The following CFAP210 variants were observed in gnomAD, a reference collection of about 807,000 sequenced individuals.
The protein encoded by CFAP210 is cilia- and flagella- associated protein 210.
At chr2:169,692,153 C>G in the CFAP210 span, among the ~76,000 whole-genome samples, 2 of 152,134 alleles carry the variant, frequency 1.3e-5, no homozygotes, top group Admixed American at 1.3e-4. Context: ...ATGTCAGGAG[C>G]TTTCCAAAGC....
the CFAP210 span, chr2:169,694,163 A>G: frequency 8.3e-7 from 1 of 1,198,504 alleles, no homozygotes; most frequent in Non-Finnish European, 1.2e-6. Context: ...AGTCCATTTC[A>G]AAAGGCAACT....
the CFAP210 span, among the ~76,000 whole-genome samples, chr2:169,671,441 G>C: frequency 9.2e-5 from 14 of 152,108 alleles, no homozygotes; most frequent in Admixed American, 2.6e-4. Context: ...CTAATTATTT[G>C]TTCCATTTCT....
chr2:169,662,199 G>T, the CFAP210 span: 1 of 1,422,734 alleles, frequency 7.0e-7, no homozygotes, highest in Non-Finnish European at 9.7e-7. Flanking sequence ...CCATAAACAT[G>T]TACAAATATA....
At chr2:169,681,014 G>A in the CFAP210 span, 1 of 1,613,482 alleles carries the variant, frequency 6.2e-7, no homozygotes, top group Non-Finnish European at 8.5e-7. Context: ...TACTGCATAT[G>A]TATTAGTCCA....
At chr2:169,654,222 G>GA in the CFAP210 span, 2 of 1,556,618 alleles carry the variant, frequency 1.3e-6, no homozygotes, top group East Asian at 2.3e-5. Context: ...TTCCTTGGGG[G>GA]AAAAATTGTA....
At chr2:169,645,565 G>T in the CFAP210 span, 1 of 295,678 alleles carries the variant, frequency 3.4e-6, no homozygotes, top group Non-Finnish European at 6.3e-6. Context: ...AAAAATTCTG[G>T]AACTACACAA....
At chr2:169,667,203 A>G in the CFAP210 span, among the ~76,000 whole-genome samples, 4 of 148,766 alleles carry the variant, frequency 2.7e-5, no homozygotes, top group East Asian at 7.8e-4. Context: ...CAATGGCGCA[A>G]TCTCGGCTCA....
chr2:169,684,073 C>T, the CFAP210 span, among the ~76,000 whole-genome samples: 3 of 152,050 alleles, frequency 2.0e-5, no homozygotes, highest in Non-Finnish European at 4.4e-5. Flanking sequence ...AGATTCCTAC[C>T]CCACAGTAGC....
the CFAP210 span, chr2:169,650,291 T>G: frequency 5.3e-6 from 8 of 1,507,868 alleles, no homozygotes; most frequent in East Asian, 1.9e-4. Context: ...GTCCTAACTC[T>G]GTCTTTCTAT....
chr2:169,650,573 G>C, the CFAP210 span: 2 of 1,354,982 alleles, frequency 1.5e-6, no homozygotes, highest in South Asian at 2.2e-5. Flanking sequence ...ATGTCCAATG[G>C]AGCCAACATA....
chr2:169,647,771 G>A, the CFAP210 span, among the ~76,000 whole-genome samples: 7 of 152,124 alleles, frequency 4.6e-5, no homozygotes, highest in Middle Eastern at 3.2e-3. Context: ...CTCATGGGAT[G>A]GAAGAAGACA....
chr2:169,693,212 C>A, the CFAP210 span, among the ~76,000 whole-genome samples: 1 of 152,228 alleles, frequency 6.6e-6, no homozygotes, highest in South Asian at 2.1e-4. Context: ...TAGCCTTCCC[C>A]TAAAAATGGA....
chr2:169,688,913 TC>T, the CFAP210 span, among the ~76,000 whole-genome samples: 4 of 152,190 alleles, frequency 2.6e-5, no homozygotes, highest in Non-Finnish European at 4.4e-5. Context: ...ACTGTATTAG[TC>T]CGTTTTCACA....
chr2:169,648,162 C>CAAAAA, the CFAP210 span: 2 of 97,958 alleles, frequency 2.0e-5, no homozygotes, highest in East Asian at 3.5e-4. Flanking sequence ...AACTCTGTCT[C>CAAAAA]AAAAAAAAAA....
chr2:169,694,271 C>T, the CFAP210 span: 22 of 1,614,086 alleles, frequency 1.4e-5, no homozygotes, highest in Non-Finnish European at 1.9e-5. Flanking sequence ...CTGTACTTTC[C>T]TTCGCCCGTC....
At chr2:169,654,055 T>C in the CFAP210 span, 4 of 1,594,202 alleles carry the variant, frequency 2.5e-6, no homozygotes, top group South Asian at 2.3e-5. Flanking sequence ...TACTTTATTA[T>C]ACACATTATT....
At chr2:169,659,703 C>T in the CFAP210 span, among the ~76,000 whole-genome samples, 1 of 152,298 alleles carries the variant, frequency 6.6e-6, no homozygotes, top group Admixed American at 6.5e-5. Context: ...TCCCAAATCT[C>T]ATGTCCTTCT....
At chr2:169,649,499 C>T in the CFAP210 span, among the ~76,000 whole-genome samples, 1 of 152,130 alleles carries the variant, frequency 6.6e-6, no homozygotes, top group African/African-American at 2.4e-5. Flanking sequence ...GGTTCCCATG[C>T]GGCCAGTTTA....
At chr2:169,693,917 C>G in the CFAP210 span, among the ~76,000 whole-genome samples, 1 of 152,056 alleles carries the variant, frequency 6.6e-6, no homozygotes, top group Non-Finnish European at 1.5e-5. Flanking sequence ...TTTAAGCGTG[C>G]GGGAAATTTA....
Sources: gnomAD v4.1 joint callset for allele counts (sites outside exome capture counted in the v4.1 genomes callset) on GRCh38, gnomAD v4.1.1 for gene constraint, MANE v1.5 for transcripts, NCBI Gene and HGNC (gene_info 2026-07-23, HGNC 2026-07-21) for gene names.